The following LMTK2 variants were observed in gnomAD, a reference collection of about 807,000 sequenced individuals.
LMTK2 encodes serine/threonine-protein kinase LMTK2.
In LMTK2, 37 loss-of-function variants were observed where a neutral mutation model predicts 127.5. That is an observed-to-expected ratio of 0.29 (90% CI 0.22 to 0.38). The LOEUF (loss-of-function observed/expected upper bound fraction) is 0.38. Among genes scored for constraint, LMTK2 ranks in the 10% least tolerant of loss-of-function variants. The probability of loss-of-function intolerance (pLI) is 1.00; values close to 1 mark genes in which losing one functional copy is unlikely to be tolerated. For missense variants in LMTK2, 1,694 were observed against 1,920.3 expected, an observed-to-expected ratio of 0.88 and a Z score of 2.20; for synonymous variants, 819 against 810.1, an observed-to-expected ratio of 1.01 and a Z score of -0.19.
At chr7:98,158,511 A>G (rs1020264506) in intron 5 of LMTK2, among the ~76,000 whole-genome samples, 1 of 152,134 alleles carries the variant, frequency 6.6e-6, no homozygotes, top group African/African-American at 2.4e-5. Context: ...GAATTTGTAT[A>G]TACAGTTGGC....
intron 3 of LMTK2, among the ~76,000 whole-genome samples, chr7:98,149,111 T>C (rs1796814647): frequency 6.6e-6 from 1 of 152,262 alleles, no homozygotes; most frequent in Admixed American, 6.5e-5. Flanking sequence ...GATAGAATTG[T>C]GAGTTACGTG....
chr7:98,165,303 T>C (rs1797078048), intron 6 of LMTK2, among the ~76,000 whole-genome samples: 1 of 152,084 alleles, frequency 6.6e-6, no homozygotes, highest in African/African-American at 2.4e-5. Flanking sequence ...GTGAGACCCA[T>C]AGCAGTAGCT....
At chr7:98,185,769 C>G (rs1159758809) in intron 8 of LMTK2, among the ~76,000 whole-genome samples, 2 of 151,392 alleles carry the variant, frequency 1.3e-5, no homozygotes, top group Non-Finnish European at 2.9e-5. Context: ...GCTATATTGC[C>G]CAGGCTGTTC....
chr7:98,156,729 T>G (rs1031781917), intron 5 of LMTK2, among the ~76,000 whole-genome samples: 2 of 152,198 alleles, frequency 1.3e-5, no homozygotes, highest in African/African-American at 4.8e-5. Context: ...TTTAAAGGAA[T>G]TGGCTCATGA....
chr7:98,140,868 G>A (rs1796687185), intron 2 of LMTK2, among the ~76,000 whole-genome samples: 2 of 149,478 alleles, frequency 1.3e-5, no homozygotes, highest in Admixed American at 6.7e-5. Flanking sequence ...GGCAACATAG[G>A]GAGACTCTGC....
intron 7 of LMTK2, among the ~76,000 whole-genome samples, chr7:98,180,084 T>C (rs1797333130): frequency 6.6e-6 from 1 of 151,648 alleles, no homozygotes; most frequent in Non-Finnish European, 1.5e-5. Flanking sequence ...AGAGAAAACA[T>C]AAAATGCCTC....
intron 1 of LMTK2, among the ~76,000 whole-genome samples, chr7:98,135,308 T>C (rs145881432): frequency 7.2e-5 from 11 of 152,024 alleles, no homozygotes; most frequent in South Asian, 2.1e-4. Context: ...AGGATTTATT[T>C]TTATTTTTTA....
At chr7:98,187,318 A>T (rs1797450854) in intron 9 of LMTK2, among the ~76,000 whole-genome samples, 2 of 152,294 alleles carry the variant, frequency 1.3e-5, no homozygotes, top group South Asian at 4.1e-4. Flanking sequence ...GAAAGAAGAA[A>T]CTGAAAGGGG....
Position 98,107,121 on chromosome 7 carries a change from G to A in LMTK2, c.-57G>A, listed in dbSNP as rs1398763377. ...AGGCAGGATCGACTGACGGGCGAAC[G>A]GACGGACGGACGGAAGGCGACTCGA... On this transcript the variant is annotated 5_prime_UTR_variant, in exon 1 of 14. Transcript: ENST00000297293. 2.4e-6 allele frequency: 3 copies of A among 1,230,382 alleles called. No individual in the cohort carries two copies. The highest frequency in any genetic ancestry group is 3.1e-5 in the East Asian group (1 of 31,864). 76.2% of individuals were successfully genotyped at this position (1,230,382 alleles called of 1,614,324 possible).
chr7:98,191,214 C>T (rs1797518409), intron 10 of LMTK2, among the ~76,000 whole-genome samples: 1 of 152,144 alleles, frequency 6.6e-6, no homozygotes, highest in African/African-American at 2.4e-5. Context: ...TCCCATTGCC[C>T]CAGGATTACA....
chr7:98,114,115 G>A (rs1438239888), intron 1 of LMTK2, among the ~76,000 whole-genome samples: 1 of 152,092 alleles, frequency 6.6e-6, no homozygotes, highest in African/African-American at 2.4e-5. Flanking sequence ...CCACAAAAGA[G>A]TGACTCTGTA....
chr7:98,143,173 T>C (rs1283513199), intron 3 of LMTK2, among the ~76,000 whole-genome samples: 2 of 152,182 alleles, frequency 1.3e-5, no homozygotes, highest in Admixed American at 1.3e-4. Flanking sequence ...CACCCCTTTC[T>C]GTTTTACTGA....
chr7:98,172,624 C>A (rs545254233), intron 7 of LMTK2, among the ~76,000 whole-genome samples: 270 of 152,284 alleles, frequency 1.8e-3, no homozygotes, highest in South Asian at 3.1e-3. Context: ...TTTCTTAGGT[C>A]TCCAGGGAAA....
At chr7:98,112,265 A>G (rs1290174886) in intron 1 of LMTK2, among the ~76,000 whole-genome samples, 1 of 152,128 alleles carries the variant, frequency 6.6e-6, no homozygotes, top group Non-Finnish European at 1.5e-5. Flanking sequence ...TGGTGCGATC[A>G]TAGCTCACTG....
chr7:98,203,966 T>C lies in LMTK2; in HGVS notation c.4263T>C (p.Asp1421=). 6.2e-7 allele frequency: 1 copy of C among 1,614,106 alleles called. No individual in the cohort carries two copies. The highest frequency in any genetic ancestry group is 8.5e-7 in the Non-Finnish European group (1 of 1,179,976). The change falls in exon 13 of 14, where the codon GAT becomes GAC. Residue 1421 remains aspartate (D), a synonymous_variant. Transcript: ENST00000297293. ...TAGGTGGTGGCTTTGAGTGGGATGA[T>C]GACTTCTCCCCAGATCCTTTTATGT... ...DEEGGGFEWD[D]DFSPDPFMSK... is the part of the protein sequence containing the mutation.
At chr7:98,113,546 C>T (rs1247342884) in intron 1 of LMTK2, among the ~76,000 whole-genome samples, 1 of 152,134 alleles carries the variant, frequency 6.6e-6, no homozygotes, top group Non-Finnish European at 1.5e-5. Flanking sequence ...TAGGTGTGAG[C>T]CACCGCACCT....
At chr7:98,122,679 T>TGG (rs1796379448) in intron 1 of LMTK2, among the ~76,000 whole-genome samples, 2 of 6,124 alleles carry the variant, frequency 3.3e-4, no homozygotes, top group African/African-American at 1.1e-3. Flanking sequence ...CTCTACATGG[T>TGG]GTGTGTGTGT....
chr7:98,127,486 AT>A (rs1796460040), intron 1 of LMTK2, among the ~76,000 whole-genome samples: 1 of 152,232 alleles, frequency 6.6e-6, no homozygotes, highest in African/African-American at 2.4e-5. Context: ...GAATTCTCCT[AT>A]GCAAATTCCC....
chr7:98,128,652 G>A (rs1402781249), intron 1 of LMTK2, among the ~76,000 whole-genome samples: 2 of 152,192 alleles, frequency 1.3e-5, no homozygotes, highest in Admixed American at 1.3e-4. Context: ...AGGTCCGAGG[G>A]CTGTGGCTCT....
Sources: gnomAD v4.1 joint callset for allele counts (sites outside exome capture counted in the v4.1 genomes callset) on GRCh38, gnomAD v4.1.1 for gene constraint, MANE v1.5 for transcripts, NCBI Gene and HGNC (gene_info 2026-07-23, HGNC 2026-07-21) for gene names.